The following TMEM114 variants were observed in gnomAD, a reference collection of about 807,000 sequenced individuals.
TMEM114 encodes claudin-26.
A neutral mutation model predicts 6.2 loss-of-function variants in TMEM114; 6 were observed. The ratio of observed to expected loss-of-function variants is 0.97; its 90% CI spans 0.53 to 1.91. The LOEUF is 1.91. TMEM114 is among the 40% of genes most tolerant of loss of function. TMEM114 has a pLI of 0.01. For synonymous variants in TMEM114, 104 were observed against 73.0 expected (o/e 1.42, Z -2.16); for missense variants, 218 against 158.3 (o/e 1.38, Z -2.02).
At chr16:8,532,990 C>T (rs967391089), downstream of TMEM114, among the ~76,000 whole-genome samples, 3 of 152,090 alleles carry the variant, frequency 2.0e-5, no homozygotes, top group Admixed American at 6.5e-5. Flanking sequence ...TGTGCACTGA[C>T]ACTGTGATGA....
chr16:8,583,011 A>G (rs1349759897), intron 2 of TMEM114, among the ~76,000 whole-genome samples: 1 of 152,192 alleles, frequency 6.6e-6, no homozygotes, highest in Non-Finnish European at 1.5e-5. Flanking sequence ...AAATCCTAGA[A>G]GTTCTAGTTA....
At chr16:8,583,408 C>A (rs565867787) in intron 2 of TMEM114, among the ~76,000 whole-genome samples, 1 of 152,144 alleles carries the variant, frequency 6.6e-6, no homozygotes, top group Non-Finnish European at 1.5e-5. Context: ...GATCTCATTT[C>A]ATCTTAGAAC....
chr16:8,581,351 C>G (rs571898486), intron 2 of TMEM114, among the ~76,000 whole-genome samples: 2 of 152,212 alleles, frequency 1.3e-5, no homozygotes, highest in African/African-American at 4.8e-5. Context: ...GTCTAGCCAT[C>G]TCTCCATCTG....
At chr16:8,551,547 C>G (rs1900844596) in intron 2 of TMEM114, among the ~76,000 whole-genome samples, 1 of 152,130 alleles carries the variant, frequency 6.6e-6, no homozygotes, top group South Asian at 2.1e-4. Flanking sequence ...TTCCTGTGGC[C>G]AAAGCAAAGA....
intron 2 of TMEM114, among the ~76,000 whole-genome samples, chr16:8,576,753 AGG>A (rs1348775652): frequency 6.8e-5 from 10 of 147,614 alleles, no homozygotes; most frequent in Non-Finnish European, 1.4e-4. Context: ...GAAGGAAGGA[AGG>A]AAGGAAGGAA....
chr16:8,527,720 GT>G, the TMEM114 span, among the ~76,000 whole-genome samples: 1 of 152,144 alleles, frequency 6.6e-6, no homozygotes, highest in Non-Finnish European at 1.5e-5. Flanking sequence ...GGGAGGTTTA[GT>G]AACTTGTCCA....
the TMEM114 span, among the ~76,000 whole-genome samples, chr16:8,531,420 G>T: frequency 6.6e-6 from 1 of 152,292 alleles, no homozygotes; most frequent in Non-Finnish European, 1.5e-5. Flanking sequence ...TTTCAGCTGG[G>T]AAATCAAGTA....
intron 2 of TMEM114, among the ~76,000 whole-genome samples, chr16:8,545,107 C>G (rs1333613192): frequency 1.3e-5 from 2 of 152,076 alleles, no homozygotes; most frequent in Non-Finnish European, 2.9e-5. Context: ...TCTTTTCTTT[C>G]TAGTTGTTCT....
At chr16:8,553,222 A>G (rs1001212283) in intron 2 of TMEM114, among the ~76,000 whole-genome samples, 1 of 152,212 alleles carries the variant, frequency 6.6e-6, no homozygotes, top group Non-Finnish European at 1.5e-5. Flanking sequence ...CCTGCTTTCC[A>G]GACCAAGAAT....
intron 3 of TMEM114, among the ~76,000 whole-genome samples, chr16:8,571,697 C>T (rs559433915): frequency 3.3e-5 from 5 of 151,962 alleles, no homozygotes; most frequent in African/African-American, 1.2e-4. Flanking sequence ...TGGTCATGCC[C>T]GTTTTTTAGT....
chr16:8,583,336 G>A (rs553635372), intron 2 of TMEM114, among the ~76,000 whole-genome samples: 15 of 152,334 alleles, frequency 9.8e-5, no homozygotes, highest in Admixed American at 9.1e-4. Context: ...AGAGCAGGAA[G>A]AGGAGGCAAT....
intron 2 of TMEM114, among the ~76,000 whole-genome samples, chr16:8,586,803 C>A (rs147712338): frequency 6.6e-6 from 1 of 152,286 alleles, no homozygotes; most frequent in African/African-American, 2.4e-5. Context: ...AGCCACCACG[C>A]CTGGCCGAAT....
At chr16:8,538,628 C>T (rs1471623940) in intron 2 of TMEM114, among the ~76,000 whole-genome samples, 5 of 152,090 alleles carry the variant, frequency 3.3e-5, no homozygotes, top group Admixed American at 2.6e-4. Flanking sequence ...TTGCCTCAGC[C>T]TCCCCAGCAG....
chr16:8,573,958 G>C (rs562578378), intron 2 of TMEM114, among the ~76,000 whole-genome samples: 2 of 152,226 alleles, frequency 1.3e-5, no homozygotes, highest in Non-Finnish European at 2.9e-5. Flanking sequence ...CTGGGACATG[G>C]TAAGTGCTGA....
At chr16:8,541,072 G>A (rs1001473114) in intron 2 of TMEM114, among the ~76,000 whole-genome samples, 6 of 152,194 alleles carry the variant, frequency 3.9e-5, no homozygotes, top group Non-Finnish European at 8.8e-5. Flanking sequence ...GCCCCATGCA[G>A]GGTCTAATGA....
chr16:8,542,879 G>A (rs1900556116), intron 2 of TMEM114, among the ~76,000 whole-genome samples: 1 of 152,122 alleles, frequency 6.6e-6, no homozygotes, highest in Non-Finnish European at 1.5e-5. Flanking sequence ...AGGCCAGATT[G>A]AAATGCCAGA....
At chr16:8,550,556 T>G (rs1406401414) in intron 2 of TMEM114, among the ~76,000 whole-genome samples, 1 of 151,948 alleles carries the variant, frequency 6.6e-6, no homozygotes, top group African/African-American at 2.4e-5. Flanking sequence ...TGCATGCCTG[T>G]AATCCCAGCG....
chr16:8,534,677 C>G (rs1388315661), downstream of TMEM114, among the ~76,000 whole-genome samples: 1 of 152,228 alleles, frequency 6.6e-6, no homozygotes, highest in Non-Finnish European at 1.5e-5. Flanking sequence ...GTGGTTGTTA[C>G]TGACTTTGAG....
intron 2 of TMEM114, among the ~76,000 whole-genome samples, chr16:8,547,115 G>A (rs751841057): frequency 7.2e-5 from 11 of 152,176 alleles, no homozygotes; most frequent in Admixed American, 3.9e-4. Context: ...TTGAGGGATC[G>A]TGTGGTCTCA....
Sources: allele counts gnomAD v4.1 joint callset (sites outside exome capture counted in the v4.1 genomes callset), GRCh38; gene constraint gnomAD v4.1.1; transcripts MANE v1.5; gene names NCBI Gene and HGNC (gene_info 2026-07-23, HGNC 2026-07-21).